The following CTNND2 variants were observed in gnomAD, a reference collection of about 807,000 sequenced individuals.
The protein encoded by CTNND2 is catenin delta-2.
Under a neutral mutation model 144.4 loss-of-function variants are expected in CTNND2, and 22 were observed. That is an observed-to-expected ratio of 0.15 (90% CI 0.11 to 0.22). The LOEUF (loss-of-function observed/expected upper bound fraction) is 0.22. CTNND2 is among the 10% of genes least tolerant of loss of function. The pLI is 1.00. For missense variants in CTNND2, 1,353 were observed against 1,618.8 expected (o/e 0.84, Z 2.82); for synonymous variants, 751 against 695.6 (o/e 1.08, Z -1.25).
At position 11,879,591 on chromosome 5, in the gene CTNND2, C is replaced by T. The variant is rs1304648273; in HGVS notation, c.37+24226G>A. On this transcript the variant is annotated intron_variant, in intron 1 of 21. Transcript: ENST00000304623. ...TTCCAATCACAATTCACATCCTATTCTGTACCATTGATAAGCTTTTGACAT... is the reference window on the plus strand; with the variant it reads ...TTCCAATCACAATTCACATCCTATTTTGTACCATTGATAAGCTTTTGACAT... Among the ~76,000 whole-genome samples the T allele has an allele frequency of 2.6e-5, 4 of 151,984 alleles. No homozygotes were observed. The South Asian group carries it at 6.2e-4, about 24-fold the overall frequency.
intron 2 of CTNND2, among the ~76,000 whole-genome samples, chr5:11,612,917 A>G (rs1277806530): frequency 6.6e-6 from 1 of 152,152 alleles, no homozygotes; most frequent in Non-Finnish European, 1.5e-5. Context: ...ATAAATAAAT[A>G]AAATAAAATA....
chr5:10,991,637 C>A (rs749826276), intron 19 of CTNND2, among the ~76,000 whole-genome samples: 1 of 151,786 alleles, frequency 6.6e-6, no homozygotes, highest in East Asian at 1.9e-4. Flanking sequence ...AGTATTTTTA[C>A]GAATACAAGA....
chr5:11,366,211 G>C (rs1211178671), intron 7 of CTNND2, among the ~76,000 whole-genome samples: 1 of 152,026 alleles, frequency 6.6e-6, no homozygotes, highest in African/African-American at 2.4e-5. Context: ...TAATATTCTT[G>C]TCTAGAATAT....
At position 10,982,839 on chromosome 5, in the gene CTNND2, A is replaced by G. The variant is rs539869598; in HGVS notation, c.3344-993T>C. On this transcript the variant is annotated intron_variant, in intron 20 of 21. Transcript: ENST00000304623. ...GCCATAAAAAGAATGAAATCCTGTC[A>G]CTTGCAGCAACGTGGTGGAACTGGA... is the stretch of plus-strand genomic sequence containing the variant. Among the ~76,000 whole-genome samples the G allele has an allele frequency of 1.6e-4, 24 of 152,348 alleles. No homozygotes were observed. The East Asian group carries it at 3.3e-3, about 21-fold the overall frequency.
chr5:11,872,986 A>G (rs1446634239), intron 1 of CTNND2, among the ~76,000 whole-genome samples: 1 of 152,240 alleles, frequency 6.6e-6, no homozygotes, highest in Non-Finnish European at 1.5e-5. Flanking sequence ...AACAAAAGCC[A>G]AAATCGACAA....
At chr5:11,602,968 T>C (rs1445440981) in intron 2 of CTNND2, among the ~76,000 whole-genome samples, 2 of 151,780 alleles carry the variant, frequency 1.3e-5, no homozygotes, top group Non-Finnish European at 2.9e-5. Flanking sequence ...ACATAATACG[T>C]AATAATGATT....
Position 11,470,980 on chromosome 5 carries a change from A to ATATATATATATATT in CTNND2, c.288-58912_288-58911insAATATATATATATA, listed in dbSNP as rs1219093645. ...TATATATATATATATATATATATATATTTTTTTTTTTTTTTTAGATGGAGT... is the reference window on the plus strand; with the variant it reads ...TATATATATATATATATATATATATATATATATATATATTTTTTTTTTTTTTTTTTAGATGGAGT... On this transcript the variant is annotated intron_variant, in intron 3 of 21. Coordinates refer to ENST00000304623, the MANE Select transcript of CTNND2 (RefSeq NM_001332.4). Among the ~76,000 whole-genome samples the ATATATATATATATT allele has an allele frequency of 2.2e-3, 202 of 91,474 alleles. 2 individuals carry two copies. Among genetic ancestry groups the ATATATATATATATT allele is most frequent in the African/African-American group, 6.2e-3 (108 of 17,362 alleles). 60.0% of individuals were successfully genotyped at this position (91,474 alleles called of 152,430 possible).
At position 11,267,731 on chromosome 5, in the gene CTNND2, C is replaced by G. The variant is rs370968756; in HGVS notation, c.1629-30908G>C. Among the ~76,000 whole-genome samples, 46 of 152,298 alleles carry G rather than the reference C, an allele frequency of 3.0e-4. 4 individuals are homozygous for G. Among genetic ancestry groups the G allele is most frequent in the Admixed American group, 1.9e-3 (29 of 15,304 alleles). ...AAAGGAAAATCTTCAGTTCTAGTAG[C>G]TCATTATATTTTGCACAAACATCTG... On this transcript the variant is annotated intron_variant, in intron 9 of 21. Coordinates refer to ENST00000304623, the MANE Select transcript of CTNND2 (RefSeq NM_001332.4).
chr5:11,077,966 G>A (rs572672306), intron 16 of CTNND2, among the ~76,000 whole-genome samples: 1 of 152,320 alleles, frequency 6.6e-6, no homozygotes, highest in African/African-American at 2.4e-5. Context: ...GAAGGGTCAG[G>A]TCTGGGAGAG....
At chr5:11,241,233 C>T (rs955813958) in intron 9 of CTNND2, among the ~76,000 whole-genome samples, 2 of 152,188 alleles carry the variant, frequency 1.3e-5, no homozygotes, top group Non-Finnish European at 2.9e-5. Flanking sequence ...ATGCCTCCAT[C>T]GCATCTCACA....
intron 9 of CTNND2, among the ~76,000 whole-genome samples, chr5:11,306,444 A>AT (rs1268557956): frequency 6.6e-6 from 1 of 152,182 alleles, no homozygotes; most frequent in Non-Finnish European, 1.5e-5. Context: ...ACTTAGGAAA[A>AT]CAGGCTCCAG....
rs187475703 is a variant in CTNND2 at position 11,178,912 on chromosome 5, C to G, written c.1976-19153G>C. Among the ~76,000 whole-genome samples, 28 of 152,234 alleles carry G rather than the reference C, an allele frequency of 1.8e-4. 1 individual carries two copies. Among genetic ancestry groups the G allele is most frequent in the African/African-American group, 5.3e-4 (22 of 41,518 alleles). ...TACTGATCTTTATGATACTGTGGAA[C>G]TACAATAGCTTATAGCTAGAAAACT... On this transcript the variant is annotated intron_variant, in intron 11 of 21. Transcript: ENST00000304623.
chr5:11,091,755 AT>A (rs1750797075), intron 15 of CTNND2, among the ~76,000 whole-genome samples: 1 of 151,976 alleles, frequency 6.6e-6, no homozygotes, highest in Non-Finnish European at 1.5e-5. Context: ...GGATTATGAG[AT>A]TTTCTTCTCT....
chr5:11,179,321 AAAAAAC>A (rs556620130), intron 11 of CTNND2, among the ~76,000 whole-genome samples: 11 of 152,108 alleles, frequency 7.2e-5, no homozygotes, highest in East Asian at 3.9e-4. Context: ...CAAAAAAACA[AAAAAAC>A]AAAAACAAAA....
At chr5:11,601,152 G>T (rs1319325149) in intron 2 of CTNND2, among the ~76,000 whole-genome samples, 2 of 152,172 alleles carry the variant, frequency 1.3e-5, no homozygotes, top group Admixed American at 1.3e-4. Context: ...ATCCATAGAT[G>T]TATAAACGAG....
intron 3 of CTNND2, among the ~76,000 whole-genome samples, chr5:11,451,583 C>A (rs986602031): frequency 2.0e-5 from 3 of 152,094 alleles, no homozygotes; most frequent in African/African-American, 7.2e-5. Context: ...GTCAATATTC[C>A]AAAATCCAAA....
intron 13 of CTNND2, among the ~76,000 whole-genome samples, chr5:11,116,525 CAT>C (rs965953838): frequency 3.3e-5 from 5 of 152,206 alleles, no homozygotes; most frequent in Non-Finnish European, 5.9e-5. Context: ...AAATTACAAA[CAT>C]ATGAATGAAT....
intron 2 of CTNND2, among the ~76,000 whole-genome samples, chr5:11,586,222 C>G (rs1166000206): frequency 2.0e-5 from 3 of 152,152 alleles, no homozygotes; most frequent in African/African-American, 4.8e-5. Context: ...ATAAATGCAT[C>G]ATATAAGCTA....
chr5:11,056,950 GAA>G (rs1746408123), intron 16 of CTNND2, among the ~76,000 whole-genome samples: 1 of 152,210 alleles, frequency 6.6e-6, no homozygotes. Context: ...CTTCATGTCT[GAA>G]GGTGATTTCA....
Sources: gnomAD v4.1 joint callset for allele counts (sites outside exome capture counted in the v4.1 genomes callset) on GRCh38, gnomAD v4.1.1 for gene constraint, MANE v1.5 for transcripts, NCBI Gene and HGNC (gene_info 2026-07-23, HGNC 2026-07-21) for gene names.